SLC26A8: variants seen among roughly 807,000 people sequenced by gnomAD.
SLC26A8 encodes the protein solute carrier family 26 member 8, also known as testis anion transporter 1.
Under a neutral mutation model 105.0 loss-of-function variants are expected in SLC26A8, and 70 were observed. That is an observed-to-expected ratio of 0.67 (90% CI 0.55 to 0.81). The LOEUF is 0.81. Ranked by LOEUF, SLC26A8 falls within the 40% of genes least tolerant of loss-of-function variation. The probability of loss-of-function intolerance (pLI) is 0.00; values close to 1 mark genes in which losing one functional copy is unlikely to be tolerated. For synonymous variants in SLC26A8, 415 were observed against 438.3 expected (o/e 0.95, Z 0.66); for missense variants, 998 against 1,181.8 (o/e 0.84, Z 2.28).
intron 3 of SLC26A8, among the ~76,000 whole-genome samples, chr6:36,006,111 C>A (rs1460165337): frequency 6.6e-6 from 1 of 152,102 alleles, no homozygotes; most frequent in Non-Finnish European, 1.5e-5. Context: ...TTCATTCATT[C>A]ATATAGCTAT....
chr6:35,978,670 T>C (rs1184826836), intron 8 of SLC26A8, among the ~76,000 whole-genome samples: 2 of 152,180 alleles, frequency 1.3e-5, no homozygotes, highest in African/African-American at 4.8e-5. Context: ...TTGTGATATA[T>C]ATTTCCACAA....
At chr6:35,977,469 G>A in intron 8 of SLC26A8, 118 bp from the exon 9 acceptor site, 1 of 1,121,394 alleles carries the variant, frequency 8.9e-7, no homozygotes, top group Non-Finnish European at 1.2e-6. Context: ...AATAACAATA[G>A]GGACAAGCGG....
At chr6:35,964,210 AAAAAT>A (rs1562027017) in intron 11 of SLC26A8, among the ~76,000 whole-genome samples, 1 of 152,342 alleles carries the variant, frequency 6.6e-6, no homozygotes, top group African/African-American at 2.4e-5. Context: ...CCTGTCTCAC[AAAAAT>A]AAAATAAAAT....
chr6:35,944,554 T>A (rs752777105), intron 19 of SLC26A8, among the ~76,000 whole-genome samples: 1 of 148,362 alleles, frequency 6.7e-6, no homozygotes, highest in Non-Finnish European at 1.5e-5. Context: ...TAATAATTAT[T>A]ATTATTTTAA....
At chr6:35,985,138 C>T (rs909399804) in intron 7 of SLC26A8, among the ~76,000 whole-genome samples, 3 of 151,992 alleles carry the variant, frequency 2.0e-5, no homozygotes, top group Non-Finnish European at 2.9e-5. Flanking sequence ...TATGGAAGCC[C>T]CCACCCCTTC....
chr6:36,022,961 C>G (rs1016975351), intron 1 of SLC26A8, among the ~76,000 whole-genome samples: 1 of 148,912 alleles, frequency 6.7e-6, no homozygotes, highest in Non-Finnish European at 1.5e-5. Flanking sequence ...CTGCTGGGCC[C>G]CCAGAGATTC....
intron 10 of SLC26A8, among the ~76,000 whole-genome samples, chr6:35,971,058 A>C (rs1390478003): frequency 6.6e-6 from 1 of 150,958 alleles, no homozygotes; most frequent in African/African-American, 2.5e-5. Flanking sequence ...ACAACAACAA[A>C]AATCCTAAGT....
intron 3 of SLC26A8, among the ~76,000 whole-genome samples, chr6:36,007,225 TAGTTAATTC>T (rs1761713667): frequency 6.6e-6 from 1 of 152,250 alleles, no homozygotes; most frequent in African/African-American, 2.4e-5. Flanking sequence ...ATTGTCAATG[TAGTTAATTC>T]CAGGGAATCT....
chr6:35,958,978 C>G lies in SLC26A8; in HGVS notation c.1863+482G>C, dbSNP rs370822334. On this transcript the variant is annotated intron_variant, in intron 16 of 19. Transcript: ENST00000490799. ...CGGCCTGTGCTCATCCTCCCCGCTC[C>G]TTTCCCCCATCTCCCATCATCATTT... 7.7e-4 allele frequency among the ~76,000 whole-genome samples: 118 copies of G among 152,304 alleles called. 3 individuals are homozygous for G. The South Asian group carries it at 0.023, about 30-fold the overall frequency.
intron 11 of SLC26A8, among the ~76,000 whole-genome samples, chr6:35,963,298 A>G (rs930259595): frequency 6.6e-6 from 1 of 152,184 alleles, no homozygotes; most frequent in Non-Finnish European, 1.5e-5. Flanking sequence ...CTTCCCTAAT[A>G]TCTCAAACTG....
At chr6:35,960,070 T>C (rs1581633349) in intron 14 of SLC26A8, 1 of 301,716 alleles carries the variant, frequency 3.3e-6, no homozygotes, top group Non-Finnish European at 6.1e-6. Flanking sequence ...CATCACGCCC[T>C]GCTAATTTTT....
intron 3 of SLC26A8, among the ~76,000 whole-genome samples, chr6:36,008,950 A>T (rs992467785): frequency 6.6e-6 from 1 of 152,236 alleles, no homozygotes; most frequent in Non-Finnish European, 1.5e-5. Flanking sequence ...CCACTCTGGA[A>T]AACAGGTTGG....
At chr6:36,002,374 T>G (rs1339490317) in intron 3 of SLC26A8, among the ~76,000 whole-genome samples, 3 of 152,182 alleles carry the variant, frequency 2.0e-5, no homozygotes, top group Non-Finnish European at 2.9e-5. Flanking sequence ...GATTTACAAG[T>G]TTCTTGAGAA....
At position 35,976,550 on chromosome 6, in the gene SLC26A8, C is replaced by CTTTTTTTTTTTTTT. The variant is rs371327114; in HGVS notation, c.1173+640_1173+653dup. Among the ~76,000 whole-genome samples the CTTTTTTTTTTTTTT allele has an allele frequency of 2.5e-4, 33 of 130,148 alleles. 1 individual carries two copies. The South Asian group carries it at 3.7e-3, about 15-fold the overall frequency. 85.4% of individuals were successfully genotyped at this position (130,148 alleles called of 152,430 possible). A position where few individuals can be genotyped will look rare whatever the true frequency, so the allele number is the denominator to read the frequency against. Reference sequence around the variant, plus strand: ...AACTGTATGGTATTAGAAGCCCTCGCTTTTTTTTTTTTTTTTTTGAGATGG... The same window carrying CTTTTTTTTTTTTTT: ...AACTGTATGGTATTAGAAGCCCTCGCTTTTTTTTTTTTTTTTTTTTTTTTTTTTTTTTGAGATGG... On this transcript the variant is annotated intron_variant, in intron 9 of 19. Coordinates refer to ENST00000490799, the MANE Select transcript of SLC26A8 (RefSeq NM_052961.4).
intron 3 of SLC26A8, among the ~76,000 whole-genome samples, chr6:36,006,151 G>C (rs768231091): frequency 6.6e-6 from 1 of 151,462 alleles, no homozygotes; most frequent in Non-Finnish European, 1.5e-5. Flanking sequence ...ATGGAGTCTC[G>C]CTCTGTTACC....
chr6:36,001,294 A>G (rs1430825994), intron 3 of SLC26A8, among the ~76,000 whole-genome samples: 1 of 151,988 alleles, frequency 6.6e-6, no homozygotes, highest in East Asian at 1.9e-4. Context: ...ATGCCCGGCT[A>G]ATTTTTTATA....
chr6:35,994,422 C>T (rs1761289437), intron 5 of SLC26A8, among the ~76,000 whole-genome samples: 1 of 151,892 alleles, frequency 6.6e-6, no homozygotes, highest in Non-Finnish European at 1.5e-5. Flanking sequence ...CCAACTGTCT[C>T]TCCCTTAATC....
chr6:35,975,517 C>T (rs994681753), intron 9 of SLC26A8, 29 bp from the exon 10 acceptor site: 17 of 1,441,524 alleles, frequency 1.2e-5, no homozygotes, highest in Non-Finnish European at 1.5e-5. Flanking sequence ...TGCTTTAGGC[C>T]CCCGTTTTTG....
At chr6:35,987,348 T>C (rs1344737856) in intron 7 of SLC26A8, among the ~76,000 whole-genome samples, 1 of 152,164 alleles carries the variant, frequency 6.6e-6, no homozygotes, top group African/African-American at 2.4e-5. Context: ...CCCAGGGATT[T>C]GAGCTAATTT....
Sources: gnomAD v4.1 joint callset for allele counts (sites outside exome capture counted in the v4.1 genomes callset) on GRCh38, gnomAD v4.1.1 for gene constraint, MANE v1.5 for transcripts, NCBI Gene and HGNC (gene_info 2026-07-23, HGNC 2026-07-21) for gene names.